Variants in RAG1 observed in about 807,000 individuals in gnomAD.
RAG1 encodes V(D)J recombination-activating protein 1.
RAG1 carries 35 observed loss-of-function variants against 62.7 expected under a neutral mutation model. That is an observed-to-expected ratio of 0.56 (90% CI 0.43 to 0.74). The LOEUF is 0.74. Among genes scored for constraint, RAG1 ranks in the 30% least tolerant of loss-of-function variants. The pLI is 0.00. For synonymous variants in RAG1, 461 were observed against 470.3 expected (o/e 0.98, Z 0.26); for missense variants, 1,169 against 1,278.6 (o/e 0.91, Z 1.31).
intron 3 of RAG1, among the ~76,000 whole-genome samples, chr11:36,560,761 C>A (rs1403811862): frequency 6.6e-6 from 1 of 152,102 alleles, no homozygotes; most frequent in African/African-American, 2.4e-5. Flanking sequence ...TGCTAGGGAT[C>A]TCCTGACTAC....
rs745600099 is a variant in RAG1 at position 36,573,319 on chromosome 11, C to G, written c.15C>G (p.Phe5Leu). ...CCTCAGCCAGCATGGCAGCCTCTTT[C>G]CCACCCACCTTGGGACTCAGTTCTG... MAAS[F>L]PPTLGLSSAP... is the part of the protein sequence containing the mutation. The change falls in exon 2 of 2, where the codon TTC becomes TTG. Residue 5 changes from phenylalanine (F) to leucine (L), a missense_variant. By Grantham distance (22) the Phe-to-Leu change is conservative. Transcript: ENST00000299440. 10 of 1,614,040 alleles carry G rather than the reference C, an allele frequency of 6.2e-6. No individual in the cohort carries two copies. Among genetic ancestry groups the G allele is most frequent in the Non-Finnish European group, 8.5e-6 (10 of 1,180,026 alleles).
chr11:36,569,238 G>C (rs192626550), intron 1 of RAG1, among the ~76,000 whole-genome samples: 84 of 152,324 alleles, frequency 5.5e-4, no homozygotes, highest in African/African-American at 1.9e-3. Context: ...TTGTCAAAAT[G>C]AATCTGTGCT....
At chr11:36,513,331 T>A (rs1052702307) in intron 1 of RAG1, among the ~76,000 whole-genome samples, 8 of 152,200 alleles carry the variant, frequency 5.3e-5, no homozygotes, top group Admixed American at 1.3e-4. Flanking sequence ...TTGCTGTTTC[T>A]CACATCCTAT....
chr11:36,531,453 T>A (rs1860253838), intron 2 of RAG1, among the ~76,000 whole-genome samples: 1 of 152,006 alleles, frequency 6.6e-6, no homozygotes, highest in Middle Eastern at 3.4e-3. Context: ...ATTTTGATGT[T>A]TTATATAGTG....
intron 2 of RAG1, among the ~76,000 whole-genome samples, chr11:36,526,439 T>A (rs1177507158): frequency 6.6e-6 from 1 of 152,134 alleles, no homozygotes; most frequent in African/African-American, 2.4e-5. Flanking sequence ...CTGCATAGTA[T>A]TCCATGGTAT....
At chr11:36,548,055 G>T (rs899352749) in intron 3 of RAG1, among the ~76,000 whole-genome samples, 27 of 151,934 alleles carry the variant, frequency 1.8e-4, no homozygotes, top group African/African-American at 6.5e-4. Context: ...TGCAGAAAAG[G>T]CCTTCATAAA....
In RAG1 at chr11:36,579,661, T is replaced by A. The variant is rs1590706565; in HGVS notation, c.*3225T>A. On this transcript the variant is annotated 3_prime_UTR_variant, in exon 2 of 2. Coordinates refer to ENST00000299440, the MANE Select transcript of RAG1 (RefSeq NM_000448.3). ...TTTTCAAATAAAATGAAATATGAGT[T>A]TCAATACTTTTTATATTTTAATATT... is the stretch of plus-strand genomic sequence containing the variant. 6.0e-6 allele frequency: 1 copy of A among 166,948 alleles called. No homozygotes were observed. The highest frequency in any genetic ancestry group is 1.9e-4 in the East Asian group (1 of 5,204). The allele number at this position is 166,948 out of a possible 1,614,324, so 10.3% of individuals were successfully genotyped here.
chr11:36,510,988 C>A (rs1859912447), exon 1 of RAG1: 1 of 152,118 alleles, frequency 6.6e-6, no homozygotes, highest in African/African-American at 2.4e-5. Context: ...ATCCTGAAGC[C>A]AGAATGCTTG....
At chr11:36,516,183 A>G (rs541682243) in intron 1 of RAG1, among the ~76,000 whole-genome samples, 1 of 152,354 alleles carries the variant, frequency 6.6e-6, no homozygotes, top group East Asian at 1.9e-4. Context: ...CAGAGGATGT[A>G]AGTATCTGAT....
intron 1 of RAG1, among the ~76,000 whole-genome samples, chr11:36,569,938 A>G (rs1850715346): frequency 6.6e-6 from 1 of 152,166 alleles, no homozygotes. Flanking sequence ...GCATCTTTCC[A>G]TGTCACTGAT....
At chr11:36,519,667 T>C (rs1013619807) in intron 1 of RAG1, among the ~76,000 whole-genome samples, 7 of 152,226 alleles carry the variant, frequency 4.6e-5, no homozygotes, top group African/African-American at 1.4e-4. Flanking sequence ...GCTGTGAATA[T>C]TTATGACTCC....
chr11:36,560,211 G>T (rs986931507), intron 3 of RAG1, among the ~76,000 whole-genome samples: 1 of 152,166 alleles, frequency 6.6e-6, no homozygotes, highest in African/African-American at 2.4e-5. Context: ...TCAGGCCCTG[G>T]TAGGGTATGT....
rs149841633 is a variant in RAG1 at position 36,558,267 on chromosome 11, C to G, written c.-411-5118C>G. 3.4e-3 allele frequency among the ~76,000 whole-genome samples: 522 copies of G among 152,296 alleles called. 2 individuals are homozygous for G. Among genetic ancestry groups the G allele is most frequent in the African/African-American group, 0.012 (491 of 41,574 alleles). On this transcript the variant is annotated intron_variant and NMD_transcript_variant, in intron 3 of 9. Coordinates refer to the RAG1 transcript ENST00000534663. ...TTCTGGAGGTATTGGATAAAACATT[C>G]TATAAGTGTCTGTTAGGTCCATTTG...
At chr11:36,565,225 A>G (rs767020651), upstream of RAG1, among the ~76,000 whole-genome samples, 10 of 152,230 alleles carry the variant, frequency 6.6e-5, no homozygotes, top group Non-Finnish European at 1.3e-4. Flanking sequence ...CAGCGTTCAC[A>G]CACTCAGACC....
intron 2 of RAG1, among the ~76,000 whole-genome samples, chr11:36,529,412 G>A (rs1860216655): frequency 6.6e-6 from 1 of 151,982 alleles, no homozygotes; most frequent in Non-Finnish European, 1.5e-5. Flanking sequence ...ATGTCAATAG[G>A]TATAGAAAAG....
At chr11:36,513,874 G>T (rs529544444) in intron 1 of RAG1, among the ~76,000 whole-genome samples, 2 of 152,286 alleles carry the variant, frequency 1.3e-5, no homozygotes, top group Non-Finnish European at 2.9e-5. Context: ...CTCCCACTGG[G>T]TCCCTCCCAC....
rs1850866848 is a variant in RAG1 at position 36,577,292 on chromosome 11, CT to C, written c.*857del. The C allele has an allele frequency of 1.2e-5, 2 of 167,002 alleles. No individual in the cohort carries two copies. Among genetic ancestry groups the C allele is most frequent in the South Asian group, 4.1e-4 (2 of 4,830 alleles). The allele number at this position is 167,002 out of a possible 1,614,324, so 10.3% of individuals were successfully genotyped here. A position where few individuals can be genotyped will look rare whatever the true frequency, so the allele number is the denominator to read the frequency against. On this transcript the variant is annotated 3_prime_UTR_variant, in exon 2 of 2. Transcript: ENST00000299440. Reference sequence around the variant, plus strand: ...TTTAGAGTTTCCAAATTTAGAGCTTCTGCATACAGTCTTAAAGCCACAGAGG... The same window carrying C: ...TTTAGAGTTTCCAAATTTAGAGCTTCGCATACAGTCTTAAAGCCACAGAGG...
Position 36,574,574 on chromosome 11 carries a change from AAAG to A in RAG1, c.1277_1279del (p.Glu426del). On this transcript the variant is annotated inframe_deletion, in exon 2 of 2. Coordinates refer to ENST00000299440, the MANE Select transcript of RAG1 (RefSeq NM_000448.3). Reference sequence around the variant, plus strand: ...GCTGCAAGTCAAAGCCTTTGCTGACAAAGAAGAAGGTGGAGATGTGAAGTCCGT... The same window carrying A: ...GCTGCAAGTCAAAGCCTTTGCTGACAAAGAAGGTGGAGATGTGAAGTCCGT... The A allele has an allele frequency of 6.2e-7, 1 of 1,614,252 alleles. No homozygotes were observed. The highest frequency in any genetic ancestry group is 8.5e-7 in the Non-Finnish European group (1 of 1,180,040).
intron 2 of RAG1, among the ~76,000 whole-genome samples, chr11:36,535,054 A>G (rs1394032345): frequency 1.3e-5 from 2 of 152,260 alleles, no homozygotes; most frequent in Non-Finnish European, 2.9e-5. Context: ...GGATTGTTCC[A>G]TAAAATTGTG....
Sources: allele counts gnomAD v4.1 joint callset (sites outside exome capture counted in the v4.1 genomes callset), GRCh38; gene constraint gnomAD v4.1.1; transcripts MANE v1.5; gene names NCBI Gene and HGNC (gene_info 2026-07-23, HGNC 2026-07-21).